WAS: variants seen among roughly 807,000 people sequenced by gnomAD.
The protein encoded by WAS is WASP actin nucleation promoting factor.
In WAS, 1 loss-of-function variant was observed where a neutral mutation model predicts 38.9. The ratio of observed to expected loss-of-function variants is 0.03; its 90% CI spans 0.01 to 0.12. The LOEUF (loss-of-function observed/expected upper bound fraction) is 0.12, where lower values mean the gene tolerates loss of function less well. WAS is among the 10% of genes least tolerant of loss of function. The pLI, the probability that WAS is intolerant of heterozygous loss-of-function variation, is 1.00. For missense variants in WAS, 311 were observed against 431.2 expected (o/e 0.72, Z 2.47); for synonymous variants, 182 against 173.6 (o/e 1.05, Z -0.38).
In WAS at chrX:48,686,772, T is replaced by TC. The variant is rs782563873; in HGVS notation, c.560-5dup. Reference sequence around the variant, plus strand: ...GGTCAATGAGCCAACCACCCTATTTTCCCCACAGGCCCTCCAGTGGGTCCG... The same window carrying TC: ...GGTCAATGAGCCAACCACCCTATTTTCCCCCACAGGCCCTCCAGTGGGTCCG... On this transcript the variant is annotated splice_polypyrimidine_tract_variant and intron_variant, in intron 6 of 11. Transcript: ENST00000376701. 11 of 1,208,791 alleles carry TC rather than the reference T, an allele frequency of 9.1e-6. No homozygotes were observed. The African/African-American group carries it at 1.2e-4, about 13-fold the overall frequency.
At position 48,683,862 on chromosome X, in the gene WAS, G is replaced by A. The variant is rs782383513; in HGVS notation, c.9G>A (p.Gly3=). 3 of 1,209,667 alleles carry A rather than the reference G, an allele frequency of 2.5e-6. No individual in the cohort carries two copies. Among genetic ancestry groups the A allele is most frequent in the South Asian group, 1.8e-5 (1 of 56,803 alleles). Residue 3 remains glycine (G), a synonymous_variant, in exon 1 of 12, where the codon GGG becomes GGA. Coordinates refer to ENST00000376701, the MANE Select transcript of WAS (RefSeq NM_000377.3). MS[G]GPMGGRPGGR... is the part of the protein sequence containing the mutation. ...CAAGGGCAGAAAGCACCATGAGTGG[G>A]GGCCCAATGGGAGGAAGGCCCGGGG...
chrX:48,682,015 T>C (rs1557005828), upstream of WAS, among the ~76,000 whole-genome samples: 2 of 111,966 alleles, frequency 1.8e-5, no homozygotes, highest in African/African-American at 3.2e-5. Context: ...GCCTACCTCA[T>C]ACATGGGGAA....
Position 48,688,740 on chromosome X carries a change from C to T in WAS, c.1012C>T (p.Arg338Cys). The change falls in exon 10 of 12, where the codon CGT becomes TGT. Residue 338 changes from arginine (R) to cysteine (C), a missense_variant. Transcript: ENST00000376701. ...CCCTATTGTGGGGGGTAACAAGGGT[C>T]GTTCTGGTCCACTGCCCCCTGTACC... ...RPPIVGGNKG[R>C]SGPLPPVPLG... The T allele has an allele frequency of 8.5e-7, 1 of 1,171,202 alleles. No individual in the cohort carries two copies. The highest frequency in any genetic ancestry group is 2.0e-5 in the South Asian group (1 of 50,846).
chrX:48,684,047 TTC>T, intron 1 of WAS, 62 bp downstream of exon 1: 1 of 1,164,262 alleles, frequency 8.6e-7, no homozygotes, highest in Non-Finnish European at 1.2e-6. Flanking sequence ...CCTCTCCTCC[TTC>T]TCTCTCTTCC....
At chrX:48,677,407 A>G (rs2062393313) in intron 1 of WAS, among the ~76,000 whole-genome samples, 1 of 111,995 alleles carries the variant, frequency 8.9e-6, no homozygotes, top group Admixed American at 9.4e-5. Flanking sequence ...CAGCTATTTC[A>G]TAGAAACGGC....
chrX:48,686,678 C>T, intron 6 of WAS, 103 bp from the exon 7 acceptor site: 1 of 1,006,708 alleles, frequency 9.9e-7, no homozygotes, highest in Non-Finnish European at 1.4e-6. Context: ...CCATGACCAT[C>T]CAACACACAC....
intron 6 of WAS, 46 bp from the exon 7 acceptor site, chrX:48,686,735 G>A (rs370188924): frequency 8.3e-7 from 1 of 1,200,191 alleles, no homozygotes; most frequent in Non-Finnish European, 1.1e-6. Flanking sequence ...TGCTTTGGTT[G>A]GTTGGTAAGT....
rs886041379 is a variant in WAS at position 48,688,880 on chromosome X, A to AC, written c.1157dup (p.Gly387TrpfsTer108). ...GACGTTCTGGACCACTGCCCCCTCC[A>AC]CCCCCTGGAGCTGGTGGGCCACCCA... is the stretch of plus-strand genomic sequence containing the variant. On this transcript the variant is annotated frameshift_variant, in exon 10 of 12. Coordinates refer to ENST00000376701, the MANE Select transcript of WAS (RefSeq NM_000377.3). LOFTEE classifies it high-confidence loss of function. The AC allele has an allele frequency of 9.9e-7, 1 of 1,014,332 alleles. No individual in the cohort carries two copies. Among genetic ancestry groups the AC allele is most frequent in the Non-Finnish European group, 1.3e-6 (1 of 789,638 alleles). The allele number at this position is 1,014,332 out of a possible 1,213,427, so 83.6% of individuals were successfully genotyped here.
At chrX:48,680,192 G>C (rs1196642043), upstream of WAS, among the ~76,000 whole-genome samples, 3 of 111,579 alleles carry the variant, frequency 2.7e-5, no homozygotes, top group South Asian at 3.7e-4. Flanking sequence ...CTTCTACCCT[G>C]AATACAAGAG....
intron 1 of WAS, among the ~76,000 whole-genome samples, chrX:48,678,664 C>T (rs1411522533): frequency 9.0e-6 from 1 of 110,838 alleles, no homozygotes; most frequent in Non-Finnish European, 1.9e-5. Flanking sequence ...CTGAGAGCAA[C>T]CAGAAAAGCT....
chrX:48,686,861 G>A lies in WAS; in HGVS notation c.640G>A (p.Gly214Arg). The change falls in exon 7 of 12, where the codon GGG becomes AGG. Residue 214 changes from glycine (G) to arginine (R), a missense_variant. Coordinates refer to ENST00000376701, the MANE Select transcript of WAS (RefSeq NM_000377.3). ...TGACATCACGAGTTCACGATACCGT[G>A]GGCTCCCAGCACCTGGACCTAGCCC... The part of the protein sequence containing the change: ...NPDITSSRYR[G>R]LPAPGPSPAD... 8.3e-7 allele frequency: 1 copy of A among 1,212,006 alleles called. No individual in the cohort carries two copies. Among genetic ancestry groups the A allele is most frequent in the Non-Finnish European group, 1.1e-6 (1 of 895,582 alleles).
intron 2 of WAS, 89 bp downstream of exon 2, chrX:48,684,512 C>A: frequency 9.3e-7 from 1 of 1,080,148 alleles, no homozygotes. Flanking sequence ...AGCTTCAAGA[C>A]CTCAGACCTG....
rs1557006230 is a variant in WAS at position 48,683,917 on chromosome X, A to G, written c.64A>G (p.Ile22Val). Residue 22 changes from isoleucine to valine, a missense_variant, in exon 1 of 12, where the codon ATA (isoleucine) becomes GTA (valine). Coordinates refer to ENST00000376701, the MANE Select transcript of WAS (RefSeq NM_000377.3). ...AGGAGCACCAGCGGTTCAGCAGAAC[A>G]TACCCTCCACCCTCCTCCAGGACCA... is the stretch of plus-strand genomic sequence containing the variant. ...GRGAPAVQQN[I>V]PSTLLQDHEN... 1.7e-6 allele frequency: 2 copies of G among 1,211,417 alleles called. No individual in the cohort carries two copies. The highest frequency in any genetic ancestry group is 2.2e-5 in the Admixed American group (1 of 45,992).
At chrX:48,690,001 A>AG (rs2062434685) in intron 11 of WAS, among the ~76,000 whole-genome samples, 1 of 110,688 alleles carries the variant, frequency 9.0e-6, no homozygotes, top group African/African-American at 3.3e-5. Flanking sequence ...TATCTCAAAA[A>AG]AAAAAAAAAT....
chrX:48,690,528 T>A (rs782415242), intron 11 of WAS, among the ~76,000 whole-genome samples: 2 of 112,046 alleles, frequency 1.8e-5, no homozygotes, highest in South Asian at 7.3e-4. Flanking sequence ...CATTATATGA[T>A]GCAAATATTA....
intron 7 of WAS, among the ~76,000 whole-genome samples, chrX:48,687,721 G>T (rs1557006911): frequency 9.0e-6 from 1 of 111,568 alleles, no homozygotes; most frequent in African/African-American, 3.3e-5. Flanking sequence ...GGACAGACTG[G>T]TGGACAAATG....
At chrX:48,687,940 A>G in intron 7 of WAS, 114 bp from the exon 8 acceptor site, 1 of 788,584 alleles carries the variant, frequency 1.3e-6, no homozygotes. Flanking sequence ...AGTCTCATTC[A>G]TTAATTCTGG....
chrX:48,680,625 G>A (rs2062398801), upstream of WAS, among the ~76,000 whole-genome samples: 1 of 111,510 alleles, frequency 9.0e-6, no homozygotes, highest in Non-Finnish European at 1.9e-5. Context: ...ACTTCCACCA[G>A]CGCCATGACA....
At chrX:48,685,005 T>G (rs182475232) in intron 2 of WAS, among the ~76,000 whole-genome samples, 371 of 111,572 alleles carry the variant, frequency 3.3e-3, no homozygotes, top group Non-Finnish European at 5.6e-3. Flanking sequence ...AAATTCATCC[T>G]TTTAAACCCA....
Sources: allele counts gnomAD v4.1 joint callset (sites outside exome capture counted in the v4.1 genomes callset), GRCh38; gene constraint gnomAD v4.1.1; transcripts MANE v1.5; gene names NCBI Gene and HGNC (gene_info 2026-07-23, HGNC 2026-07-21).